The following BSN variants were observed in gnomAD, a reference collection of about 807,000 sequenced individuals.
BSN encodes protein bassoon.
BSN carries 57 observed loss-of-function variants against 264.8 expected under a neutral mutation model. The ratio of observed to expected loss-of-function variants is 0.22; its 90% CI spans 0.17 to 0.27. The LOEUF (loss-of-function observed/expected upper bound fraction) is 0.27. BSN is among the 10% of genes least tolerant of loss of function. BSN has a pLI of 1.00. For missense variants in BSN, 4,615 were observed against 5,232.5 expected, an observed-to-expected ratio of 0.88 and a Z score of 3.64; for synonymous variants, 2,059 against 2,137.3, an observed-to-expected ratio of 0.96 and a Z score of 1.01.
intron 1 of BSN, among the ~76,000 whole-genome samples, chr3:49,600,232 G>C (rs547251439): frequency 1.3e-5 from 2 of 152,314 alleles, no homozygotes; most frequent in East Asian, 3.9e-4. Flanking sequence ...ACCAGGCCTT[G>C]AGCCTGGGCC....
intron 3 of BSN, among the ~76,000 whole-genome samples, chr3:49,650,220 T>C (rs1445087254): frequency 6.6e-6 from 1 of 152,178 alleles, no homozygotes; most frequent in Non-Finnish European, 1.5e-5. Context: ...TCCACAAGGG[T>C]TCTCAACTGC....
Position 49,642,900 on chromosome 3 carries a change from T to C in BSN, c.1266T>C (p.Pro422=). ...AKTEPGARMG[P]GSGPGALPKT... is the part of the protein sequence containing the mutation. ...CTGAGCCTGGGGCTAGAATGGGTCC[T>C]GGATCTGGACCTGGAGCCCTGCCGA... Residue 422 remains proline (P), a synonymous_variant, in exon 3 of 12, where the codon CCT becomes CCC. Transcript: ENST00000296452. This position sits in a 1 kb window ranked among gnomAD's most constrained non-coding sequence, Gnocchi z 7.0. 6.2e-7 allele frequency: 1 copy of C among 1,613,904 alleles called. No individual in the cohort carries two copies. Among genetic ancestry groups the C allele is most frequent in the Non-Finnish European group, 8.5e-7 (1 of 1,179,974 alleles).
intron 3 of BSN, among the ~76,000 whole-genome samples, chr3:49,644,086 T>C (rs898625652): frequency 2.0e-5 from 3 of 152,198 alleles, no homozygotes. Flanking sequence ...CATGTGACCC[T>C]TACCATGCTG....
chr3:49,574,634 T>C (rs1280455454), intron 1 of BSN, among the ~76,000 whole-genome samples: 4 of 131,786 alleles, frequency 3.0e-5, no homozygotes, highest in South Asian at 2.7e-4. Context: ...GGGTTTCTTT[T>C]TTTTTTTTTT....
At chr3:49,566,837 T>C (rs1289212169) in intron 1 of BSN, among the ~76,000 whole-genome samples, 3 of 146,896 alleles carry the variant, frequency 2.0e-5, no homozygotes, top group African/African-American at 4.9e-5. Context: ...GTAGTATCAG[T>C]GATTAATCCA....
intron 2 of BSN, among the ~76,000 whole-genome samples, chr3:49,632,804 G>A (rs1048112029): frequency 3.3e-5 from 5 of 151,916 alleles, no homozygotes; most frequent in African/African-American, 1.2e-4. Flanking sequence ...AAAAAAGTGG[G>A]GGGGAGCAAA....
At chr3:49,639,338 A>G (rs1325651446) in intron 2 of BSN, among the ~76,000 whole-genome samples, 1 of 151,632 alleles carries the variant, frequency 6.6e-6, no homozygotes, top group East Asian at 1.9e-4. Flanking sequence ...AGCTGGGACT[A>G]CAGGCATGTG....
At chr3:49,613,303 CGAGAGAGAGAGAGAGA>C (rs752108805) in intron 1 of BSN, among the ~76,000 whole-genome samples, 12 of 47,344 alleles carry the variant, frequency 2.5e-4, no homozygotes, top group Admixed American at 1.1e-3. Flanking sequence ...ACACACAGAG[CGAGAGAGAGAGAGAGA>C]GAGAGAGAGA....
At chr3:49,647,783 C>T (rs1214930774) in intron 3 of BSN, among the ~76,000 whole-genome samples, 6 of 152,186 alleles carry the variant, frequency 3.9e-5, no homozygotes, top group Non-Finnish European at 5.9e-5. Context: ...GCCTTCCACC[C>T]GATTCTCATT....
chr3:49,657,619 T>C lies in BSN; in HGVS notation c.8063T>C (p.Ile2688Thr), dbSNP rs2052620076. The stretch of plus-strand genomic sequence containing the variant: ...CAGCTGCCCAGGGTCTCTCCAGCCA[T>C]CCACATCACAGCTGCCACCGATCCC... ...PDQLPRVSPA[I>T]HITAATDPKV... Residue 2688 changes from isoleucine (I) to threonine (T), a missense_variant, in exon 5 of 12, where the codon ATC (isoleucine) becomes ACC (threonine). Ile to Thr is a moderately conservative substitution (Grantham distance 89). Around this residue, in one of 3 missense-constraint regions of BSN, gnomAD observed 3,415 missense variants for 3,866.4 expected, o/e 0.88. Transcript: ENST00000296452. 6.2e-7 allele frequency: 1 copy of C among 1,604,384 alleles called. No individual in the cohort carries two copies. Among genetic ancestry groups the C allele is most frequent in the Admixed American group, 1.7e-5 (1 of 59,630 alleles).
chr3:49,660,704 T>A lies in BSN; in HGVS notation c.8859T>A (p.His2953Gln), dbSNP rs755157201. 6.8e-6 allele frequency: 11 copies of A among 1,612,848 alleles called. No homozygotes were observed. Among genetic ancestry groups the A allele is most frequent in the Non-Finnish European group, 9.3e-6 (11 of 1,179,912 alleles). ...ACCGGGACCTGCGGCTGGTGGAGCA[T>A]GAGTCCACCAAACTGCGCAAGAAGC... ...ELDRDLRLVEHESTKLRKKQA... is the reference protein window; with the variant it reads ...ELDRDLRLVEQESTKLRKKQA... The change falls in exon 6 of 12, where the codon CAT (histidine) becomes CAA (glutamine). Residue 2953 changes from histidine (H) to glutamine (Q), a missense_variant. Physicochemically the swap from His to Gln is conservative, Grantham distance 24. This residue lies in a region of BSN where 3,415 missense variants were observed against 3,866.4 expected (regional missense o/e 0.88). Transcript: ENST00000296452. The surrounding 1 kb of genome is among the most constrained non-coding windows in gnomAD (Gnocchi z 7.1).
intron 1 of BSN, among the ~76,000 whole-genome samples, chr3:49,573,637 G>A (rs556184017): frequency 2.0e-4 from 30 of 151,708 alleles, no homozygotes; most frequent in African/African-American, 6.5e-4. Flanking sequence ...TAGAGAGGTA[G>A]CAGCAGTACT....
chr3:49,669,711 T>A lies in BSN; in HGVS notation c.*2226T>A, dbSNP rs1316633453. On this transcript the variant is annotated 3_prime_UTR_variant, in exon 12 of 12. Coordinates refer to ENST00000296452, the MANE Select transcript of BSN (RefSeq NM_003458.4). The stretch of plus-strand genomic sequence containing the variant: ...TGGTGAGAACAGTTGACAGTGGTCA[T>A]CTGGAACTGTTCATATAAACAGTGG... The A allele has an allele frequency of 2.0e-5, 3 of 152,244 alleles. No homozygotes were observed. The highest frequency in any genetic ancestry group is 7.2e-5 in the African/African-American group (3 of 41,462). The allele number at this position is 152,244 out of a possible 1,614,324, so 9.4% of individuals were successfully genotyped here.
chr3:49,649,565 G>A (rs2052523481), intron 3 of BSN, among the ~76,000 whole-genome samples: 1 of 152,222 alleles, frequency 6.6e-6, no homozygotes, highest in Non-Finnish European at 1.5e-5. Context: ...CCTCAGACCT[G>A]CTGCAGGAAT....
chr3:49,613,348 G>GAGAGAGAGAGAGAGAGAGAGA, intron 1 of BSN, among the ~76,000 whole-genome samples: 1 of 148,796 alleles, frequency 6.7e-6, no homozygotes, highest in South Asian at 2.1e-4. Flanking sequence ...GAGAGAGAGA[G>GAGAGAGAGAGAGAGAGAGAGA]AAGGGCTGGC....
intron 1 of BSN, among the ~76,000 whole-genome samples, chr3:49,619,670 T>C (rs2052288892): frequency 6.6e-6 from 1 of 152,184 alleles, no homozygotes; most frequent in Non-Finnish European, 1.5e-5. Context: ...ACCACAATTA[T>C]TGTCAGCAGA....
At position 49,663,085 on chromosome 3, in the gene BSN, A is replaced by G; in HGVS notation, c.10927A>G (p.Lys3643Glu). The G allele has an allele frequency of 6.2e-7, 1 of 1,612,622 alleles. No homozygotes were observed. The highest frequency in any genetic ancestry group is 2.2e-5 in the East Asian group (1 of 44,862). ...EGGPGRHASA[K>E]EHRHGDHGRH... ...TGGCCCAGGCCGCCATGCCTCAGCC[A>G]AGGAACACCGGCACGGTGACCACGG... Residue 3643 changes from lysine to glutamate, a missense_variant, in exon 7 of 12, where the codon AAG (lysine) becomes GAG (glutamate). Around this residue, in one of 3 missense-constraint regions of BSN, gnomAD observed 3,415 missense variants for 3,866.4 expected, o/e 0.88. Coordinates refer to ENST00000296452, the MANE Select transcript of BSN (RefSeq NM_003458.4).
At chr3:49,672,026 T>C (rs1575456706), downstream of BSN, among the ~76,000 whole-genome samples, 1 of 23,770 alleles carries the variant, frequency 4.2e-5, no homozygotes, top group African/African-American at 1.1e-4. Context: ...TTGCTAGACC[T>C]TTTTTTTTTT....
chr3:49,625,867 T>G lies in BSN; in HGVS notation c.633+484T>G, dbSNP rs1241326302. Among the ~76,000 whole-genome samples the G allele has an allele frequency of 6.6e-6, 1 of 152,166 alleles. No individual in the cohort carries two copies. Among genetic ancestry groups the G allele is most frequent in the Non-Finnish European group, 1.5e-5 (1 of 68,020 alleles). On this transcript the variant is annotated intron_variant, in intron 2 of 11. Coordinates refer to ENST00000296452, the MANE Select transcript of BSN (RefSeq NM_003458.4). The surrounding 1 kb of genome is among the most constrained non-coding windows in gnomAD (Gnocchi z 4.4). The stretch of plus-strand genomic sequence containing the variant: ...TTTCAGGGGAGGCAGGAAACTGCCT[T>G]CCAGCTGGGCTCTGGGAAGCACCTC...
Sources: allele counts gnomAD v4.1 joint callset (sites outside exome capture counted in the v4.1 genomes callset), GRCh38; gene constraint gnomAD v4.1.1; regional missense constraint gnomAD v4.1.1; non-coding constraint Gnocchi (gnomAD v3.1); transcripts MANE v1.5; gene names NCBI Gene and HGNC (gene_info 2026-07-23, HGNC 2026-07-21).